Variants in CDH8 observed in about 807,000 individuals in gnomAD.
CDH8 encodes the protein cadherin-8.
In CDH8, 17 loss-of-function variants were observed where a neutral mutation model predicts 68.1. That is an observed-to-expected ratio of 0.25 (90% CI 0.17 to 0.37). The LOEUF (loss-of-function observed/expected upper bound fraction) is 0.37. CDH8 is among the 10% of genes least tolerant of loss of function. The probability of loss-of-function intolerance (pLI) is 1.00; values close to 1 mark genes in which losing one functional copy is unlikely to be tolerated. For synonymous variants in CDH8, 372 were observed against 365.1 expected (o/e 1.02, Z -0.21); for missense variants, 763 against 999.3 (o/e 0.76, Z 3.19).
chr16:61,860,619 G>A (rs1327003016), intron 3 of CDH8, among the ~76,000 whole-genome samples: 2 of 151,688 alleles, frequency 1.3e-5, no homozygotes, highest in East Asian at 1.9e-4. Context: ...ATATTGTGAA[G>A]TAACACATTA....
chr16:61,840,923 CATAAA>C (rs990269085), intron 4 of CDH8, among the ~76,000 whole-genome samples: 3 of 150,002 alleles, frequency 2.0e-5, no homozygotes, highest in African/African-American at 7.4e-5. Context: ...CAGAACTTAA[CATAAA>C]ATAAAATAAA....
Position 61,773,636 on chromosome 16 carries a change from C to A in CDH8, c.1414+15710G>T, listed in dbSNP as rs188917495. ...CATCATTCCTCCAAGGATTTCAGTG[C>A]GGCTGAAACAGACAGAGCTTCTCAA... On this transcript the variant is annotated intron_variant, in intron 8 of 11. Coordinates refer to ENST00000577390, the MANE Select transcript of CDH8 (RefSeq NM_001796.5). 1.3e-4 allele frequency among the ~76,000 whole-genome samples: 19 copies of A among 149,972 alleles called. No homozygotes were observed. The East Asian group carries it at 3.7e-3, about 29-fold the overall frequency.
intron 9 of CDH8, among the ~76,000 whole-genome samples, chr16:61,716,316 C>T (rs1474711283): frequency 2.6e-5 from 4 of 151,610 alleles, no homozygotes; most frequent in Non-Finnish European, 5.9e-5. Flanking sequence ...ACAAAAGATA[C>T]AATGATATAG....
intron 1 of CDH8, among the ~76,000 whole-genome samples, chr16:62,031,261 T>C (rs769206741): frequency 1.3e-5 from 2 of 152,144 alleles, no homozygotes; most frequent in Non-Finnish European, 1.5e-5. Context: ...ATATGCTTTG[T>C]GGAACATGAG....
At chr16:61,904,985 C>T (rs189696777) in intron 2 of CDH8, among the ~76,000 whole-genome samples, 149 of 152,356 alleles carry the variant, frequency 9.8e-4, no homozygotes, top group Non-Finnish European at 1.9e-3. Flanking sequence ...ATCTAGGTTG[C>T]ATGCTCCTTA....
intron 2 of CDH8, among the ~76,000 whole-genome samples, chr16:61,959,717 C>CAT (rs147942628): frequency 0.27 from 40,415 of 149,274 alleles, 5,798 homozygotes; most frequent in African/African-American, 0.38. Flanking sequence ...TGTATATACA[C>CAT]ATATATATAC....
intron 7 of CDH8, among the ~76,000 whole-genome samples, chr16:61,799,200 A>G (rs540250827): frequency 2.0e-3 from 306 of 152,210 alleles, no homozygotes; most frequent in Admixed American, 3.7e-3. Context: ...CCCTGAAATG[A>G]TATCTTTTTG....
At chr16:61,828,788 A>G (rs1962395581) in intron 4 of CDH8, among the ~76,000 whole-genome samples, 1 of 151,818 alleles carries the variant, frequency 6.6e-6, no homozygotes, top group Non-Finnish European at 1.5e-5. Context: ...CTCTGTGACC[A>G]TGAATAAATT....
chr16:61,653,545 A>T lies in CDH8; in HGVS notation c.*63T>A. Reference sequence around the variant, plus strand: ...ACAAATAGCCACATTGGTTGTATCTAAGGGGAGTGACCCTAGAATATTACA... The same window carrying T: ...ACAAATAGCCACATTGGTTGTATCTTAGGGGAGTGACCCTAGAATATTACA... On this transcript the variant is annotated 3_prime_UTR_variant, in exon 12 of 12. Coordinates refer to ENST00000577390, the MANE Select transcript of CDH8 (RefSeq NM_001796.5). The T allele has an allele frequency of 1.3e-6, 2 of 1,527,384 alleles. No individual in the cohort carries two copies. Among genetic ancestry groups the T allele is most frequent in the Non-Finnish European group, 1.8e-6 (2 of 1,139,908 alleles). 94.6% of individuals were successfully genotyped at this position (1,527,384 alleles called of 1,614,324 possible).
At chr16:61,714,573 C>A (rs1257734153) in intron 9 of CDH8, among the ~76,000 whole-genome samples, 2 of 151,468 alleles carry the variant, frequency 1.3e-5, no homozygotes, top group African/African-American at 4.8e-5. Context: ...TTAGAATTAC[C>A]ACGGTGCAGA....
intron 3 of CDH8, among the ~76,000 whole-genome samples, chr16:61,858,667 G>C (rs1029142129): frequency 8.5e-5 from 13 of 152,100 alleles, no homozygotes; most frequent in African/African-American, 1.7e-4. Context: ...AATATCTATG[G>C]GGGGAGTGAA....
intron 4 of CDH8, among the ~76,000 whole-genome samples, chr16:61,835,722 C>T (rs978980047): frequency 1.3e-4 from 19 of 151,884 alleles, no homozygotes; most frequent in Admixed American, 2.6e-4. Flanking sequence ...CTATTCTTTC[C>T]TTAAGCCACA....
chr16:61,954,027 C>T (rs949518850), intron 2 of CDH8, among the ~76,000 whole-genome samples: 8 of 150,898 alleles, frequency 5.3e-5, no homozygotes, highest in African/African-American at 2.0e-4. Flanking sequence ...CAAGAGATTA[C>T]ATTTTGTTTA....
intron 8 of CDH8, among the ~76,000 whole-genome samples, chr16:61,748,970 GA>G (rs1199273742): frequency 1.3e-5 from 2 of 152,024 alleles, no homozygotes; most frequent in Non-Finnish European, 2.9e-5. Context: ...TGTTCAGAAG[GA>G]AAATCATTAT....
chr16:61,860,076 C>T (rs901269878), intron 3 of CDH8, among the ~76,000 whole-genome samples: 3 of 152,054 alleles, frequency 2.0e-5, no homozygotes, highest in African/African-American at 4.8e-5. Flanking sequence ...CTCGTGACAT[C>T]GTGATCTGCC....
intron 8 of CDH8, among the ~76,000 whole-genome samples, chr16:61,753,319 A>C (rs1233893893): frequency 6.6e-6 from 1 of 151,458 alleles, no homozygotes; most frequent in East Asian, 1.9e-4. Flanking sequence ...GGCTCACTGC[A>C]ACCTCCACCT....
intron 6 of CDH8, among the ~76,000 whole-genome samples, chr16:61,820,484 G>A (rs1339555479): frequency 6.6e-6 from 1 of 151,802 alleles, no homozygotes; most frequent in African/African-American, 2.4e-5. Context: ...ACCTCTGTGG[G>A]CAACTGAGGC....
At chr16:61,907,768 G>A (rs1305554293) in intron 2 of CDH8, among the ~76,000 whole-genome samples, 5 of 152,084 alleles carry the variant, frequency 3.3e-5, no homozygotes, top group African/African-American at 1.2e-4. Context: ...ACAGGGGCCA[G>A]ACACGGTGGC....
At chr16:61,654,358 G>A (rs572414044) in intron 11 of CDH8, among the ~76,000 whole-genome samples, 1 of 152,238 alleles carries the variant, frequency 6.6e-6, no homozygotes, top group East Asian at 1.9e-4. Context: ...TGTATTCATG[G>A]TGAAAGTTAC....
Sources: gnomAD v4.1 joint callset for allele counts (sites outside exome capture counted in the v4.1 genomes callset) on GRCh38, gnomAD v4.1.1 for gene constraint, MANE v1.5 for transcripts, NCBI Gene and HGNC (gene_info 2026-07-23, HGNC 2026-07-21) for gene names.